ARHGEF4: variants seen among roughly 807,000 people sequenced by gnomAD.
The protein encoded by ARHGEF4 is Rho guanine nucleotide exchange factor 4, also known as APC-stimulated guanine nucleotide exchange factor 1.
ARHGEF4 carries 119 observed loss-of-function variants against 162.0 expected under a neutral mutation model. The observed-to-expected ratio is 0.73, with a 90% CI of 0.63 to 0.86. The LOEUF (loss-of-function observed/expected upper bound fraction) is 0.86. ARHGEF4 is among the 40% of genes least tolerant of loss of function. ARHGEF4 has a pLI of 0.00. For missense variants in ARHGEF4, 2,488 were observed against 2,456.0 expected (o/e 1.01, Z -0.28); for synonymous variants, 1,014 against 979.9 (o/e 1.03, Z -0.65).
At chr2:130,866,198 A>G (rs1179651543) in intron 1 of ARHGEF4, among the ~76,000 whole-genome samples, 1 of 152,164 alleles carries the variant, frequency 6.6e-6, no homozygotes, top group African/African-American at 2.4e-5. Context: ...CAGCAAGGCC[A>G]CATCTCTAGA....
chr2:130,949,928 C>T (rs1290890841), intron 4 of ARHGEF4, among the ~76,000 whole-genome samples: 2 of 152,206 alleles, frequency 1.3e-5, no homozygotes, highest in Non-Finnish European at 2.9e-5. Flanking sequence ...GAATTACAGG[C>T]GTGAGCCACC....
chr2:131,019,310 G>A (rs994933174), intron 4 of ARHGEF4, among the ~76,000 whole-genome samples: 2 of 152,090 alleles, frequency 1.3e-5, no homozygotes, highest in African/African-American at 4.8e-5. Context: ...TACCTGGGAG[G>A]CTGAGGCATG....
intron 1 of ARHGEF4, among the ~76,000 whole-genome samples, chr2:130,839,301 A>T (rs1680437261): frequency 6.6e-6 from 1 of 152,316 alleles, no homozygotes; most frequent in Non-Finnish European, 1.5e-5. Context: ...TGGTGTCCCC[A>T]GGGATTGGTC....
At chr2:130,906,847 C>A (rs2105030936) in intron 1 of ARHGEF4, among the ~76,000 whole-genome samples, 1 of 152,314 alleles carries the variant, frequency 6.6e-6, no homozygotes, top group East Asian at 1.9e-4. Flanking sequence ...AGTCTATAGT[C>A]CATCTTGGGT....
chr2:131,043,581 A>T lies in ARHGEF4; in HGVS notation c.5155A>T (p.Lys1719Ter). 6.2e-7 allele frequency: 1 copy of T among 1,613,940 alleles called. No homozygotes were observed. The highest frequency in any genetic ancestry group is 8.5e-7 in the Non-Finnish European group (1 of 1,179,970). ...TGACCACCAGCTCATCTACTGTAAG[A>T]AGGTACCAGAGCTGCTCTGCCCTGC... ...LFDHQLIYCKKDLLRRDVLYY... is the reference protein window; with the variant it reads ...LFDHQLIYCK The change falls in exon 11 of 14, where the codon AAG (lysine) becomes TAG (stop). Residue 1719 changes from lysine (K) to a stop codon, truncating the protein, a stop_gained and splice_region_variant. Coordinates refer to ENST00000409359, the MANE Select transcript of ARHGEF4 (RefSeq NM_001367493.1). LOFTEE classifies it high-confidence loss of function.
chr2:130,892,640 T>C (rs1321554357), intron 1 of ARHGEF4, among the ~76,000 whole-genome samples: 1 of 152,220 alleles, frequency 6.6e-6, no homozygotes, highest in Non-Finnish European at 1.5e-5. Context: ...CAGAGCCTAC[T>C]GGCAGGCTGA....
At position 130,916,263 on chromosome 2, in the gene ARHGEF4, G is replaced by C; in HGVS notation, c.2317G>C (p.Glu773Gln). The change falls in exon 2 of 14, where the codon GAG (glutamate) becomes CAG (glutamine). Residue 773 changes from glutamate (E) to glutamine (Q), a missense_variant. Physicochemically the swap from Glu to Gln is conservative, Grantham distance 29. Transcript: ENST00000409359. ...CCAGCGCCCCCGCGTCCCCGCCTTG[G>C]AGCCGCCCCAGCCGCCACGCGGGCT... The part of the protein sequence containing the change: ...RGQRPRVPAL[E>Q]PPQPPRGLRK... The C allele has an allele frequency of 6.5e-7, 1 of 1,526,784 alleles. No homozygotes were observed. The highest frequency in any genetic ancestry group is 2.1e-5 in the Admixed American group (1 of 47,136). 94.6% of individuals were successfully genotyped at this position (1,526,784 alleles called of 1,614,324 possible). A position where few individuals can be genotyped will look rare whatever the true frequency, so the allele number is the denominator to read the frequency against.
intron 1 of ARHGEF4, among the ~76,000 whole-genome samples, chr2:130,906,389 G>T (rs898650582): frequency 5.9e-5 from 9 of 152,234 alleles, no homozygotes; most frequent in Non-Finnish European, 1.2e-4. Context: ...TCTGCCTATT[G>T]ATCTGTGTGT....
chr2:130,888,071 T>G (rs1250037943), intron 1 of ARHGEF4, among the ~76,000 whole-genome samples: 1 of 152,148 alleles, frequency 6.6e-6, no homozygotes, highest in East Asian at 1.9e-4. Context: ...TGATCCTCTC[T>G]GTTATATATT....
At chr2:130,868,962 G>A (rs1019681183) in intron 1 of ARHGEF4, among the ~76,000 whole-genome samples, 11 of 152,302 alleles carry the variant, frequency 7.2e-5, no homozygotes, top group East Asian at 3.9e-4. Context: ...ATCACCTTCC[G>A]GTGATCATAT....
intron 4 of ARHGEF4, among the ~76,000 whole-genome samples, chr2:130,988,889 TATATATATATATAGAGAG>T (rs1385408166): frequency 3.8e-4 from 44 of 116,466 alleles, no homozygotes; most frequent in East Asian, 6.4e-4. Context: ...TATATATATA[TATATATATATATAGAGAG>T]AGAGAGAGAG....
intron 3 of ARHGEF4, among the ~76,000 whole-genome samples, chr2:130,939,928 A>G (rs1558746261): frequency 6.6e-6 from 1 of 152,140 alleles, no homozygotes; most frequent in South Asian, 2.1e-4. Flanking sequence ...TTATGTGTTG[A>G]TATTGTATCC....
At chr2:130,981,915 CAACA>C (rs1686144779) in intron 4 of ARHGEF4, among the ~76,000 whole-genome samples, 1 of 152,180 alleles carries the variant, frequency 6.6e-6, no homozygotes, top group Admixed American at 6.5e-5. Context: ...CCATGCAAAA[CAACA>C]AACATAGTGT....
In ARHGEF4 at chr2:130,976,681, A is replaced by G. The variant is rs745914355; in HGVS notation, c.3985+30046A>G. The stretch of plus-strand genomic sequence containing the variant: ...CTCAACCAAAAACTCGACGTGTAGG[A>G]TGTGGTGGAGAAGGAAAAGGTGGGG... On this transcript the variant is annotated intron_variant, in intron 4 of 13. Transcript: ENST00000409359. 1.1e-4 allele frequency among the ~76,000 whole-genome samples: 17 copies of G among 152,124 alleles called. 1 individual carries two copies. The highest frequency in any genetic ancestry group is 3.9e-4 in the Admixed American group (6 of 15,268).
intron 1 of ARHGEF4, among the ~76,000 whole-genome samples, chr2:130,840,796 A>C (rs1439805745): frequency 6.6e-6 from 1 of 152,324 alleles, no homozygotes; most frequent in African/African-American, 2.4e-5. Flanking sequence ...GAACAGTGTC[A>C]GCTCAGAACC....
chr2:130,908,646 A>AGT (rs1199903655), intron 1 of ARHGEF4, among the ~76,000 whole-genome samples: 1 of 152,172 alleles, frequency 6.6e-6, no homozygotes, highest in East Asian at 1.9e-4. Flanking sequence ...ATTGCACTCC[A>AGT]GCCCAGGCGA....
chr2:130,843,336 G>A (rs1680736775), intron 1 of ARHGEF4, among the ~76,000 whole-genome samples: 1 of 152,216 alleles, frequency 6.6e-6, no homozygotes, highest in African/African-American at 2.4e-5. Context: ...GGTCGCAGCA[G>A]GAACCCAAGG....
At chr2:130,837,022 G>A in intron 1 of ARHGEF4, 30 bp downstream of exon 1, 3 of 1,226,740 alleles carry the variant, frequency 2.4e-6, no homozygotes, top group Non-Finnish European at 3.0e-6. Context: ...ACTTGCGGTC[G>A]GGCTCCCGGC....
Position 130,931,228 on chromosome 2 carries a change from A to T in ARHGEF4, c.3829A>T (p.Ile1277Leu), listed in dbSNP as rs190450788. ...GGCCCACGTCGAAAGGAGGCTGCAC[A>T]TAGGGGCAGTGCACAAAGATGGAGT... The part of the protein sequence containing the change: ...KQAHVERRLH[I>L]GAVHKDGVKC... The change falls in exon 3 of 14, where the codon ATA (isoleucine) becomes TTA (leucine). Residue 1277 changes from isoleucine (I) to leucine (L), a missense_variant. Ile to Leu is a conservative substitution (Grantham distance 5). This residue lies in a region of ARHGEF4 where 1,642 missense variants were observed against 1,481.5 expected (regional missense o/e 1.11). Coordinates refer to ENST00000409359, the MANE Select transcript of ARHGEF4 (RefSeq NM_001367493.1). The T allele has an allele frequency of 1.2e-6, 2 of 1,612,328 alleles. No individual in the cohort carries two copies. Among genetic ancestry groups the T allele is most frequent in the African/African-American group, 1.3e-5 (1 of 75,038 alleles).
Sources: allele counts gnomAD v4.1 joint callset (sites outside exome capture counted in the v4.1 genomes callset), GRCh38; gene constraint gnomAD v4.1.1; regional missense constraint gnomAD v4.1.1; transcripts MANE v1.5; gene names NCBI Gene and HGNC (gene_info 2026-07-23, HGNC 2026-07-21).